The following TRAPPC6B variants were observed in gnomAD, a reference collection of about 807,000 sequenced individuals.
TRAPPC6B encodes TRAPP complex subunit 6B.
A neutral mutation model predicts 24.7 loss-of-function variants in TRAPPC6B; 27 were observed. The observed-to-expected ratio is 1.09, with a 90% CI of 0.81 to 1.51. TRAPPC6B has a LOEUF of 1.51. TRAPPC6B is among the 40% of genes most tolerant of loss of function. The pLI is 0.00. For missense variants in TRAPPC6B, 212 were observed against 190.8 expected (o/e 1.11, Z -0.66); for synonymous variants, 80 against 66.6 (o/e 1.20, Z -0.98).
rs1207367486 is a variant in TRAPPC6B at position 39,150,019 on chromosome 14, C to T, written c.*331G>A. Reference sequence around the variant, plus strand: ...AATAATTCTGTTGGTACATAATTTTCTCTCATGCTAATTCAACAAACCCTG... The same window carrying T: ...AATAATTCTGTTGGTACATAATTTTTTCTCATGCTAATTCAACAAACCCTG... On this transcript the variant is annotated 3_prime_UTR_variant, in exon 6 of 6. Transcript: ENST00000330149. 5.1e-6 allele frequency: 1 copy of T among 195,156 alleles called. No individual in the cohort carries two copies. Among genetic ancestry groups the T allele is most frequent in the Non-Finnish European group, 1.0e-5 (1 of 96,578 alleles). The allele number at this position is 195,156 out of a possible 1,614,324, so 12.1% of individuals were successfully genotyped here. A position where few individuals can be genotyped will look rare whatever the true frequency, so the allele number is the denominator to read the frequency against.
intron 4 of TRAPPC6B, among the ~76,000 whole-genome samples, chr14:39,153,767 C>T (rs989385941): frequency 2.7e-5 from 4 of 148,904 alleles, no homozygotes; most frequent in Non-Finnish European, 5.9e-5. Context: ...AATGATAGCA[C>T]GATCTCAGCT....
intron 5 of TRAPPC6B, among the ~76,000 whole-genome samples, chr14:39,150,598 G>C (rs2052899813): frequency 6.6e-6 from 1 of 152,018 alleles, no homozygotes; most frequent in Non-Finnish European, 1.5e-5. Context: ...GAGTGCAGTG[G>C]CACGATCTCT....
Position 39,149,451 on chromosome 14 carries a change from GA to G in TRAPPC6B, c.*898del, listed in dbSNP as rs2052890172. The G allele has an allele frequency of 6.6e-6, 1 of 152,230 alleles. No individual in the cohort carries two copies. Among genetic ancestry groups the G allele is most frequent in the South Asian group, 2.1e-4 (1 of 4,832 alleles). The allele number at this position is 152,230 out of a possible 1,614,324, so 9.4% of individuals were successfully genotyped here. On this transcript the variant is annotated 3_prime_UTR_variant, in exon 6 of 6. Transcript: ENST00000330149. ...CTTATGCCAGATAATTTAAGTAAGA[GA>G]AAGTAAGTAGAAGAGGTGGTAAGAA...
In TRAPPC6B at chr14:39,164,119, C is replaced by G. The variant is rs77508579; in HGVS notation, c.82-4569G>C. Among the ~76,000 whole-genome samples, 317 of 152,250 alleles carry G rather than the reference C, an allele frequency of 2.1e-3. 3 individuals carry two copies. The highest frequency in any genetic ancestry group is 3.6e-3 in the Non-Finnish European group (248 of 68,024). On this transcript the variant is annotated intron_variant, in intron 1 of 5. Coordinates refer to ENST00000330149, the MANE Select transcript of TRAPPC6B (RefSeq NM_001079537.2). ...TTTTAGCTATAGCTTTCCAACTGGTCTTGTCTCATTTTTTCCTACTTTGTG... is the reference window on the plus strand; with the variant it reads ...TTTTAGCTATAGCTTTCCAACTGGTGTTGTCTCATTTTTTCCTACTTTGTG...
chr14:39,168,570 T>C (rs1186957630), intron 1 of TRAPPC6B, among the ~76,000 whole-genome samples: 2 of 152,120 alleles, frequency 1.3e-5, no homozygotes, highest in Non-Finnish European at 2.9e-5. Flanking sequence ...ACCTCAAAAG[T>C]TCAACCTGCC....
intron 1 of TRAPPC6B, among the ~76,000 whole-genome samples, chr14:39,166,255 TAA>T (rs907540561): frequency 0.021 from 2,265 of 106,784 alleles, 68 homozygotes; most frequent in African/African-American, 0.062. Flanking sequence ...ACTTGTCTCT[TAA>T]AAAAAAAAAA....
intron 5 of TRAPPC6B, among the ~76,000 whole-genome samples, chr14:39,150,893 T>G (rs1359996998): frequency 6.6e-6 from 1 of 152,156 alleles, no homozygotes; most frequent in Non-Finnish European, 1.5e-5. Context: ...CACTTTTGTT[T>G]CTCTTTATGA....
Position 39,158,359 on chromosome 14 carries a change from T to C in TRAPPC6B, c.193A>G (p.Met65Val), listed in dbSNP as rs752969156. Residue 65 changes from methionine to valine, a missense_variant, in exon 3 of 6, where the codon ATG becomes GTG. Transcript: ENST00000330149. The part of the protein sequence containing the change: ...TARFKDELDI[M>V]KFICKDFWTT... ...CAAAAATCTTTACAAATGAACTTCATGATATCTAACTCATCCTTGAACCTT... is the reference window on the plus strand; with the variant it reads ...CAAAAATCTTTACAAATGAACTTCACGATATCTAACTCATCCTTGAACCTT... The C allele has an allele frequency of 6.2e-7, 1 of 1,605,372 alleles. No individual in the cohort carries two copies. Among genetic ancestry groups the C allele is most frequent in the Non-Finnish European group, 8.5e-7 (1 of 1,177,634 alleles).
At chr14:39,169,445 C>T (rs1233333382) in intron 1 of TRAPPC6B, among the ~76,000 whole-genome samples, 1 of 152,102 alleles carries the variant, frequency 6.6e-6, no homozygotes, top group Non-Finnish European at 1.5e-5. Context: ...TCCCTGGCAC[C>T]TAGAAATCGC....
At chr14:39,151,712 TAA>T (rs1221441653) in intron 5 of TRAPPC6B, 32 bp downstream of exon 5, 8 of 1,466,294 alleles carry the variant, frequency 5.5e-6, no homozygotes, top group African/African-American at 1.4e-5. Flanking sequence ...AACAAATTAC[TAA>T]AACATTTGTA....
intron 1 of TRAPPC6B, among the ~76,000 whole-genome samples, chr14:39,161,428 A>C (rs2053057508): frequency 1.3e-5 from 2 of 152,198 alleles, no homozygotes. Context: ...GTCACTCCTG[A>C]GCAACAGTGC....
chr14:39,161,292 G>A (rs2053055875), intron 1 of TRAPPC6B, among the ~76,000 whole-genome samples: 2 of 152,114 alleles, frequency 1.3e-5, no homozygotes, highest in South Asian at 4.1e-4. Context: ...ATTGCAAAAG[G>A]AACCTATACA....
intron 3 of TRAPPC6B, among the ~76,000 whole-genome samples, chr14:39,154,922 T>G (rs1035031326): frequency 6.6e-6 from 1 of 152,074 alleles, no homozygotes; most frequent in Non-Finnish European, 1.5e-5. Context: ...AAATAAGCTG[T>G]TTGTTTGTAT....
intron 1 of TRAPPC6B, among the ~76,000 whole-genome samples, chr14:39,168,138 C>T (rs1364510685): frequency 1.3e-5 from 2 of 151,296 alleles, no homozygotes; most frequent in Admixed American, 1.3e-4. Context: ...ATCGCTTGAA[C>T]CCAAGAGGCG....
At chr14:39,161,675 C>G (rs549739725) in intron 1 of TRAPPC6B, among the ~76,000 whole-genome samples, 1 of 152,112 alleles carries the variant, frequency 6.6e-6, no homozygotes, top group African/African-American at 2.4e-5. Flanking sequence ...ACTCTCTTAC[C>G]GTAGATGGCA....
intron 4 of TRAPPC6B, among the ~76,000 whole-genome samples, chr14:39,153,703 C>CTTT (rs753192860): frequency 4.6e-5 from 6 of 129,102 alleles, no homozygotes; most frequent in East Asian, 2.2e-4. Context: ...TCTTTTTTTT[C>CTTT]TTTTTTTTTT....
Position 39,150,169 on chromosome 14 carries a change from G to T in TRAPPC6B, c.*181C>A. On this transcript the variant is annotated 3_prime_UTR_variant, in exon 6 of 6. Coordinates refer to ENST00000330149, the MANE Select transcript of TRAPPC6B (RefSeq NM_001079537.2). ...CCGGTTTTCATTTTGAATAGTTTTG[G>T]TTAAGTGTATGTCATGGCAGAATGT... is the stretch of plus-strand genomic sequence containing the variant. 3.8e-6 allele frequency: 2 copies of T among 529,360 alleles called. No homozygotes were observed. The highest frequency in any genetic ancestry group is 3.2e-6 in the Non-Finnish European group (1 of 310,966). The allele number at this position is 529,360 out of a possible 1,614,324, so 32.8% of individuals were successfully genotyped here. A position where few individuals can be genotyped will look rare whatever the true frequency, so the allele number is the denominator to read the frequency against.
In TRAPPC6B at chr14:39,170,144, G is replaced by C. The variant is rs763640558; in HGVS notation, c.-49C>G. On this transcript the variant is annotated 5_prime_UTR_variant, in exon 1 of 6. Coordinates refer to ENST00000330149, the MANE Select transcript of TRAPPC6B (RefSeq NM_001079537.2). ...CGAGTTTTGGCTCCCGTTTGAGCTG[G>C]TCTGGGGGTTCCAGCTCGCGCCTCA... The C allele has an allele frequency of 6.3e-7, 1 of 1,590,396 alleles. No individual in the cohort carries two copies. Among genetic ancestry groups the C allele is most frequent in the East Asian group, 2.2e-5 (1 of 44,766 alleles).
intron 4 of TRAPPC6B, 112 bp from the exon 5 acceptor site, chr14:39,151,951 A>C (rs1291057211): frequency 1.4e-6 from 1 of 718,866 alleles, no homozygotes; most frequent in East Asian, 3.0e-5. Flanking sequence ...TGTTTAAAAA[A>C]AGGATTTTGA....
Sources: allele counts gnomAD v4.1 joint callset (sites outside exome capture counted in the v4.1 genomes callset), GRCh38; gene constraint gnomAD v4.1.1; transcripts MANE v1.5; gene names NCBI Gene and HGNC (gene_info 2026-07-23, HGNC 2026-07-21).